Variants in PWWP2B observed in about 807,000 individuals in gnomAD.
PWWP2B encodes the protein PWWP domain-containing protein 2B.
In PWWP2B, 9 loss-of-function variants were observed where a neutral mutation model predicts 15.5. The ratio of observed to expected loss-of-function variants is 0.58; its 90% CI spans 0.35 to 1.02. PWWP2B has a LOEUF of 1.02. Ranked by LOEUF, PWWP2B falls within the 50% of genes least tolerant of loss-of-function variation. The pLI, the probability that PWWP2B is intolerant of heterozygous loss-of-function variation, is 0.02. For missense variants in PWWP2B, 864 were observed against 865.3 expected, an observed-to-expected ratio of 1.00 and a Z score of 0.02; for synonymous variants, 474 against 403.6, an observed-to-expected ratio of 1.17 and a Z score of -2.09.
intron 2 of PWWP2B, among the ~76,000 whole-genome samples, chr10:132,413,291 C>T (rs1590765978): frequency 6.6e-6 from 1 of 152,200 alleles, no homozygotes. Flanking sequence ...CATAATGTCA[C>T]ATATTACTGA....
chr10:132,399,113 C>T (rs886825358), intron 1 of PWWP2B, among the ~76,000 whole-genome samples: 1 of 151,750 alleles, frequency 6.6e-6, no homozygotes, highest in Non-Finnish European at 1.5e-5. Flanking sequence ...TATTCCGAGT[C>T]CCAGGGCTCC....
chr10:132,412,750 CA>C, intron 2 of PWWP2B, among the ~76,000 whole-genome samples: 1 of 152,344 alleles, frequency 6.6e-6, no homozygotes, highest in Non-Finnish European at 1.5e-5. Flanking sequence ...GACTTGCGGC[CA>C]CCCCCCGCTT....
intron 2 of PWWP2B, among the ~76,000 whole-genome samples, chr10:132,409,262 G>A (rs1018364672): frequency 5.9e-5 from 9 of 152,328 alleles, no homozygotes; most frequent in East Asian, 1.9e-4. Flanking sequence ...AGGAGAGGCC[G>A]TTCCCTGGGA....
intron 2 of PWWP2B, among the ~76,000 whole-genome samples, chr10:132,409,030 A>G (rs1718675053): frequency 6.6e-6 from 1 of 152,236 alleles, no homozygotes; most frequent in Non-Finnish European, 1.5e-5. Flanking sequence ...CCTCCTGTGC[A>G]GGAATAGAGG....
intron 2 of PWWP2B, among the ~76,000 whole-genome samples, chr10:132,412,382 G>A (rs1159140703): frequency 6.6e-6 from 1 of 152,244 alleles, no homozygotes; most frequent in Non-Finnish European, 1.5e-5. Context: ...CAATGCCCTG[G>A]ACAGGGCATG....
intron 2 of PWWP2B, among the ~76,000 whole-genome samples, chr10:132,407,063 T>G (rs1590761942): frequency 6.6e-6 from 1 of 151,914 alleles, no homozygotes; most frequent in Non-Finnish European, 1.5e-5. Flanking sequence ...TGTGTGGAGG[T>G]GTGGGGGTGT....
At chr10:132,411,354 A>G (rs1315662256) in intron 2 of PWWP2B, among the ~76,000 whole-genome samples, 2 of 152,194 alleles carry the variant, frequency 1.3e-5, no homozygotes, top group African/African-American at 2.4e-5. Flanking sequence ...TTTAATCACA[A>G]CGCAAACACG....
chr10:132,403,363 C>T (rs1481964531), intron 1 of PWWP2B, among the ~76,000 whole-genome samples: 2 of 152,238 alleles, frequency 1.3e-5, no homozygotes, highest in Admixed American at 6.5e-5. Flanking sequence ...TTAGCTAGAG[C>T]GGTCTTGAAA....
Position 132,405,869 on chromosome 10 carries a change from G to T in PWWP2B, c.1369G>T (p.Val457Leu). 1 of 1,611,762 alleles carries T rather than the reference G, an allele frequency of 6.2e-7. No individual in the cohort carries two copies. Among genetic ancestry groups the T allele is most frequent in the East Asian group, 2.2e-5 (1 of 44,852 alleles). ...TGGCCACGGCGCGTCAGCGCCCTCGGTGTCCAGAGAGGCTCGCCAAACGGT... is the reference window on the plus strand; with the variant it reads ...TGGCCACGGCGCGTCAGCGCCCTCGTTGTCCAGAGAGGCTCGCCAAACGGT... The part of the protein sequence containing the change: ...SPGHGASAPS[V>L]SREARQTVPP... Residue 457 changes from valine to leucine, a missense_variant, in exon 2 of 3, where the codon GTG becomes TTG. By Grantham distance (32) the Val-to-Leu change is conservative. This residue lies in a region of PWWP2B where 736 missense variants were observed against 687.7 expected (regional missense o/e 1.07). Coordinates refer to ENST00000305233, the MANE Select transcript of PWWP2B (RefSeq NM_138499.4).
chr10:132,404,270 G>A (rs545284694), intron 1 of PWWP2B, among the ~76,000 whole-genome samples: 6 of 152,266 alleles, frequency 3.9e-5, no homozygotes, highest in African/African-American at 1.2e-4. Flanking sequence ...ACCCCTCCCC[G>A]GGCCAGGTCA....
chr10:132,407,499 G>A (rs899189622), intron 2 of PWWP2B, among the ~76,000 whole-genome samples: 37 of 151,882 alleles, frequency 2.4e-4, no homozygotes, highest in East Asian at 1.4e-3. Context: ...GGACTGGAGC[G>A]CCTGGTGCCC....
At chr10:132,409,957 G>A (rs576170817) in intron 2 of PWWP2B, among the ~76,000 whole-genome samples, 8 of 152,254 alleles carry the variant, frequency 5.3e-5, no homozygotes, top group African/African-American at 1.9e-4. Flanking sequence ...ATGTTCCAGG[G>A]GTTGCGGAGG....
At chr10:132,410,828 C>T (rs187433510) in intron 2 of PWWP2B, among the ~76,000 whole-genome samples, 5 of 152,314 alleles carry the variant, frequency 3.3e-5, no homozygotes, top group East Asian at 1.9e-4. Flanking sequence ...CCTGGTGTCC[C>T]GGCCTCTTGG....
chr10:132,397,484 C>T (rs1436342386), intron 1 of PWWP2B, 133 bp downstream of exon 1: 1 of 1,009,072 alleles, frequency 9.9e-7, no homozygotes, highest in African/African-American at 1.7e-5. Flanking sequence ...TTCTGCCGAG[C>T]CTGAGTTTCG....
chr10:132,404,477 C>T (rs1181833806), intron 1 of PWWP2B, 149 bp from the exon 2 acceptor site: 13 of 703,308 alleles, frequency 1.8e-5, no homozygotes, highest in African/African-American at 7.1e-5. Context: ...ATTGGTTTAC[C>T]GTCCTGAAAT....
intron 2 of PWWP2B, among the ~76,000 whole-genome samples, chr10:132,406,512 C>T (rs72863868): frequency 0.16 from 24,529 of 152,308 alleles, 2,374 homozygotes; most frequent in Non-Finnish European, 0.23. Flanking sequence ...GGCCAGCCAC[C>T]GCTGGTGCTT....
rs1361386573 is a variant in PWWP2B at position 132,397,391 on chromosome 10, A to G, written c.125+40A>G. The stretch of plus-strand genomic sequence containing the variant: ...GGGCCGGGACACCCCCGGGGTCCCC[A>G]CGCGACACCCGCCTCCGCCGCCCGG... On this transcript the variant is annotated intron_variant, in intron 1 of 2. Coordinates refer to ENST00000305233, the MANE Select transcript of PWWP2B (RefSeq NM_138499.4). 6.7e-6 allele frequency: 8 copies of G among 1,188,190 alleles called. No homozygotes were observed. In the East Asian group the frequency reaches 2.6e-4, roughly 39 times the overall value. The allele number at this position is 1,188,190 out of a possible 1,614,324, so 73.6% of individuals were successfully genotyped here.
intron 1 of PWWP2B, among the ~76,000 whole-genome samples, chr10:132,399,053 C>A (rs1197747339): frequency 6.7e-6 from 1 of 149,032 alleles, no homozygotes; most frequent in East Asian, 2.2e-4. Flanking sequence ...ACCCCCGCCC[C>A]CTCCCTCATC....
chr10:132,413,512 A>G (rs1208462434), intron 2 of PWWP2B, among the ~76,000 whole-genome samples: 1 of 152,164 alleles, frequency 6.6e-6, no homozygotes, highest in East Asian at 1.9e-4. Context: ...ATGACCTCAG[A>G]ACACACTTAA....
Sources: gnomAD v4.1 joint callset for allele counts (sites outside exome capture counted in the v4.1 genomes callset) on GRCh38, gnomAD v4.1.1 for gene constraint, gnomAD v4.1.1 regional missense constraint, MANE v1.5 for transcripts, NCBI Gene and HGNC (gene_info 2026-07-23, HGNC 2026-07-21) for gene names.